SHROOM2: variants seen among roughly 807,000 people sequenced by gnomAD.
SHROOM2 encodes the protein shroom family member 2, also known as protein Shroom2.
A neutral mutation model predicts 75.9 loss-of-function variants in SHROOM2; 33 were observed. The observed-to-expected ratio is 0.43, with a 90% CI of 0.33 to 0.58. The LOEUF (loss-of-function observed/expected upper bound fraction) is 0.58. SHROOM2 is among the 20% of genes least tolerant of loss of function. SHROOM2 has a pLI of 0.04. For synonymous variants in SHROOM2, 655 were observed against 663.6 expected, an observed-to-expected ratio of 0.99 and a Z score of 0.20; for missense variants, 1,434 against 1,461.2, an observed-to-expected ratio of 0.98 and a Z score of 0.30.
chrX:9,917,955 G>C (rs7887827), intron 5 of SHROOM2, among the ~76,000 whole-genome samples: 2,235 of 112,368 alleles, frequency 0.02, 61 homozygotes, highest in African/African-American at 0.069. Context: ...GAAGAGGAGA[G>C]TTGGGACATG....
At chrX:9,901,764 G>A (rs1202767644) in intron 5 of SHROOM2, among the ~76,000 whole-genome samples, 1 of 112,207 alleles carries the variant, frequency 8.9e-6, no homozygotes, top group African/African-American at 3.2e-5. Flanking sequence ...CTCACATCAC[G>A]GATGTATTTG....
rs775213320 is a variant in SHROOM2 at position 9,937,535 on chromosome X, T to C, written c.3989T>C (p.Leu1330Pro). ...AREIVGKDKS[L>P]ADILDPSVKI... ...GAGATCGTGGGGAAGGATAAGTCCC[T>C]GGCCGACATCCTGGATCCCAGTGTG... Residue 1330 changes from leucine to proline, a missense_variant, in exon 7 of 10, where the codon CTG becomes CCG. By Grantham distance (98) the Leu-to-Pro change is moderately conservative (BLOSUM62 -3). Coordinates refer to ENST00000380913, the MANE Select transcript of SHROOM2 (RefSeq NM_001649.4). The C allele has an allele frequency of 2.5e-6, 3 of 1,211,836 alleles. No homozygotes were observed. The East Asian group carries it at 8.9e-5, about 36-fold the overall frequency.
rs1163478420 is a variant in SHROOM2, at chrX:9,947,009, A to G, written c.*72A>G. 5 of 1,018,499 alleles carry G rather than the reference A, an allele frequency of 4.9e-6. No homozygotes were observed. Among genetic ancestry groups the G allele is most frequent in the Non-Finnish European group, 1.3e-6 (1 of 759,870 alleles). 83.9% of individuals were successfully genotyped at this position (1,018,499 alleles called of 1,213,427 possible). A position where few individuals can be genotyped will look rare whatever the true frequency, so the allele number is the denominator to read the frequency against. On this transcript the variant is annotated 3_prime_UTR_variant, in exon 10 of 10. Transcript: ENST00000380913. ...GCTCCGTTCCCAAGGATACTCGTGA[A>G]GACCCCATCTGTGTTCATGGCCTGG... is the stretch of plus-strand genomic sequence containing the variant.
At chrX:9,917,678 G>A (rs773643662) in intron 5 of SHROOM2, among the ~76,000 whole-genome samples, 1 of 110,976 alleles carries the variant, frequency 9.0e-6, no homozygotes, top group African/African-American at 3.3e-5. Flanking sequence ...GCGCCACCAC[G>A]CCCAGCTAAT....
chrX:9,902,731 C>G (rs2084371405), intron 5 of SHROOM2, among the ~76,000 whole-genome samples: 1 of 111,756 alleles, frequency 8.9e-6, no homozygotes. Flanking sequence ...TTTCGAGAGG[C>G]CTTGGGTGAG....
At chrX:9,906,042 C>A (rs959557474) in intron 5 of SHROOM2, among the ~76,000 whole-genome samples, 2 of 112,147 alleles carry the variant, frequency 1.8e-5, no homozygotes, top group Non-Finnish European at 3.8e-5. Context: ...AGCCACATCA[C>A]CTGTCATATA....
At position 9,909,716 on chromosome X, in the gene SHROOM2, A is replaced by G. The variant is rs192059063; in HGVS notation, c.2891+11426A>G. Among the ~76,000 whole-genome samples, 5 of 112,762 alleles carry G rather than the reference A, an allele frequency of 4.4e-5. No individual in the cohort carries two copies. The Admixed American group carries it at 4.7e-4, about 11-fold the overall frequency. Reference sequence around the variant, plus strand: ...GAGACATGCTGCAAAATGCCGGAACAGACCTCTTCAAAACTATTAAGGTCA... The same window carrying G: ...GAGACATGCTGCAAAATGCCGGAACGGACCTCTTCAAAACTATTAAGGTCA... On this transcript the variant is annotated intron_variant, in intron 5 of 9. Transcript: ENST00000380913.
intron 6 of SHROOM2, among the ~76,000 whole-genome samples, chrX:9,934,962 G>A (rs2084686383): frequency 9.0e-6 from 1 of 110,712 alleles, no homozygotes; most frequent in South Asian, 3.9e-4. Context: ...TAGTAGAGAC[G>A]GGGTTTCACC....
Position 9,847,842 on chromosome X carries a change from A to AT in SHROOM2, c.166-25804dup, listed in dbSNP as rs777837519. ...AGTGTTGGCCAGTCCTTTTCTCGTGATTTTTTCCCTCTGATTTACTCGTGT... is the reference window on the plus strand; with the variant it reads ...AGTGTTGGCCAGTCCTTTTCTCGTGATTTTTTTCCCTCTGATTTACTCGTGT... On this transcript the variant is annotated intron_variant, in intron 1 of 9. Transcript: ENST00000380913. 3.6e-5 allele frequency among the ~76,000 whole-genome samples: 4 copies of AT among 111,409 alleles called. No homozygotes were observed. The East Asian group carries it at 8.5e-4, about 24-fold the overall frequency.
rs937760085 is a variant in SHROOM2 at position 9,797,359 on chromosome X, A to G, written c.165+10649A>G. 2.6e-4 allele frequency among the ~76,000 whole-genome samples: 29 copies of G among 112,861 alleles called. 1 individual carries two copies. Among genetic ancestry groups the G allele is most frequent in the African/African-American group, 9.3e-4 (29 of 31,105 alleles). On this transcript the variant is annotated intron_variant, in intron 1 of 9. Coordinates refer to ENST00000380913, the MANE Select transcript of SHROOM2 (RefSeq NM_001649.4). ...CTATGGTCACCATCCATGGTGAGCA[A>G]GAAGTAAGCCTCTGCTGTGTTTGGG...
intron 1 of SHROOM2, among the ~76,000 whole-genome samples, chrX:9,862,887 G>A (rs1278208145): frequency 8.9e-6 from 1 of 112,308 alleles, no homozygotes; most frequent in African/African-American, 3.2e-5. Flanking sequence ...ACACGATGGT[G>A]TTCCAGAAAT....
chrX:9,884,368 C>CTTTTTT (rs1181815816), intron 2 of SHROOM2, among the ~76,000 whole-genome samples: 104 of 62,147 alleles, frequency 1.7e-3, no homozygotes, highest in South Asian at 4.4e-3. Context: ...TTTTTCTTTT[C>CTTTTTT]TTTTTTTTTT....
At chrX:9,935,068 C>T (rs1356075549) in intron 6 of SHROOM2, among the ~76,000 whole-genome samples, 1 of 111,321 alleles carries the variant, frequency 9.0e-6, no homozygotes, top group Non-Finnish European at 1.9e-5. Flanking sequence ...CCACTGGGCC[C>T]AGCCTCTTTC....
intron 1 of SHROOM2, among the ~76,000 whole-genome samples, chrX:9,801,152 A>C (rs910755826): frequency 8.9e-6 from 1 of 111,823 alleles, no homozygotes; most frequent in African/African-American, 3.3e-5. Context: ...GCAAGAGAGA[A>C]TGAGAGCCAT....
At position 9,932,799 on chromosome X, in the gene SHROOM2, C is replaced by T. The variant is rs773404273; in HGVS notation, c.3516C>T (p.Pro1172=). ...QTATMETSRS[P]SPQFAPQKLT... ...CCACCATGGAGACCTCGCGCTCCCC[C>T]TCGCCCCAGTTCGCCCCCCAGAAAC... is the stretch of plus-strand genomic sequence containing the variant. The change falls in exon 6 of 10, where the codon CCC becomes CCT. Residue 1172 remains proline (P), a synonymous_variant. Transcript: ENST00000380913. 11 of 1,206,924 alleles carry T rather than the reference C, an allele frequency of 9.1e-6. No homozygotes were observed. The Admixed American group carries it at 2.4e-4, about 26-fold the overall frequency.
chrX:9,916,569 G>A (rs185556176), intron 5 of SHROOM2, among the ~76,000 whole-genome samples: 21 of 112,017 alleles, frequency 1.9e-4, no homozygotes, highest in Admixed American at 7.6e-4. Context: ...TAGGGGCACC[G>A]ATCGCCCAGG....
At chrX:9,887,642 C>T (rs752468949) in intron 2 of SHROOM2, among the ~76,000 whole-genome samples, 7 of 112,493 alleles carry the variant, frequency 6.2e-5, no homozygotes, top group African/African-American at 1.9e-4. Context: ...TTGGCCTATA[C>T]GGAGGTACTC....
intron 1 of SHROOM2, among the ~76,000 whole-genome samples, chrX:9,836,033 T>C (rs1287937783): frequency 8.9e-6 from 1 of 112,228 alleles, no homozygotes; most frequent in East Asian, 2.8e-4. Flanking sequence ...CCTGAGCACC[T>C]TTCCTGAGCC....
At chrX:9,847,066 C>T (rs2084010284) in intron 1 of SHROOM2, among the ~76,000 whole-genome samples, 1 of 112,210 alleles carries the variant, frequency 8.9e-6, no homozygotes, top group South Asian at 3.8e-4. Context: ...TTTCCAAAAG[C>T]CTTTAGCCAT....
Sources: allele counts gnomAD v4.1 joint callset (sites outside exome capture counted in the v4.1 genomes callset), GRCh38; gene constraint gnomAD v4.1.1; transcripts MANE v1.5; gene names NCBI Gene and HGNC (gene_info 2026-07-23, HGNC 2026-07-21).